MEP1B: variants seen among roughly 807,000 people sequenced by gnomAD.
MEP1B encodes the protein meprin A subunit beta.
A neutral mutation model predicts 84.6 loss-of-function variants in MEP1B; 80 were observed. The observed-to-expected ratio is 0.95, with a 90% CI of 0.79 to 1.14. MEP1B has a LOEUF of 1.14. Ranked by LOEUF, MEP1B falls within the 50% of genes most tolerant of loss-of-function variation. MEP1B has a pLI of 0.00. For missense variants in MEP1B, 766 were observed against 855.1 expected, an observed-to-expected ratio of 0.90 and a Z score of 1.30; for synonymous variants, 273 against 288.1, an observed-to-expected ratio of 0.95 and a Z score of 0.53.
At chr18:32,190,689 G>T (rs546432859) in intron 1 of MEP1B, among the ~76,000 whole-genome samples, 70 of 152,186 alleles carry the variant, frequency 4.6e-4, no homozygotes, top group Non-Finnish European at 8.1e-4. Context: ...TTATATTGGG[G>T]TGATATTCTA....
At chr18:32,199,775 A>C (rs958926499) in intron 5 of MEP1B, among the ~76,000 whole-genome samples, 3 of 151,036 alleles carry the variant, frequency 2.0e-5, no homozygotes, top group African/African-American at 7.3e-5. Flanking sequence ...CCCAGGCTCA[A>C]ATGATCCTCC....
intron 9 of MEP1B, among the ~76,000 whole-genome samples, chr18:32,208,637 G>C (rs1234878955): frequency 6.6e-6 from 1 of 152,216 alleles, no homozygotes; most frequent in African/African-American, 2.4e-5. Flanking sequence ...GCACTAGGCT[G>C]CGAATTATTG....
At position 32,220,331 on chromosome 18, in the gene MEP1B, C is replaced by A; in HGVS notation, c.*86C>A. 1 of 1,241,682 alleles carries A rather than the reference C, an allele frequency of 8.1e-7. No individual in the cohort carries two copies. The highest frequency in any genetic ancestry group is 1.2e-6 in the Non-Finnish European group (1 of 866,564). The allele number at this position is 1,241,682 out of a possible 1,614,324, so 76.9% of individuals were successfully genotyped here. On this transcript the variant is annotated 3_prime_UTR_variant, in exon 15 of 15. Transcript: ENST00000269202. ...CGCCTAAGTGATATTACAGCCACCTCATTCTTCTAAAAGTGGATATTTTTC... is the reference window on the plus strand; with the variant it reads ...CGCCTAAGTGATATTACAGCCACCTAATTCTTCTAAAAGTGGATATTTTTC...
At chr18:32,204,144 ACATTCT>A in intron 6 of MEP1B, 32 bp from the exon 7 acceptor site, 3 of 1,570,912 alleles carry the variant, frequency 1.9e-6, no homozygotes, top group Non-Finnish European at 2.6e-6. Flanking sequence ...TCAGATTGTA[ACATTCT>A]CTTCCCCCTT....
In MEP1B at chr18:32,213,144, T is replaced by C; in HGVS notation, c.1164T>C (p.Tyr388=). The change falls in exon 11 of 15, where the codon TAT becomes TAC. Residue 388 remains tyrosine, a synonymous_variant. Transcript: ENST00000269202. The part of the protein sequence containing the change: ...KEIPTGSWQL[Y]HVTLKVTKKF... Reference sequence around the variant, plus strand: ...TACCCACTGGGAGCTGGCAACTTTATCATGTAACATTGAAAGTGACCAAGA... The same window carrying C: ...TACCCACTGGGAGCTGGCAACTTTACCATGTAACATTGAAAGTGACCAAGA... 6.2e-7 allele frequency: 1 copy of C among 1,613,828 alleles called. No homozygotes were observed. The highest frequency in any genetic ancestry group is 1.3e-5 in the African/African-American group (1 of 75,066).
chr18:32,208,578 A>G (rs1009808897), intron 9 of MEP1B, among the ~76,000 whole-genome samples: 6 of 152,124 alleles, frequency 3.9e-5, no homozygotes, highest in Non-Finnish European at 5.9e-5. Flanking sequence ...GGGCAGTACT[A>G]TTGTTTCCTA....
rs372475868 is a variant in MEP1B, at chr18:32,204,329, T to A, written c.516T>A (p.Tyr172Ter). ...HEQSRSDRDD[Y>*]VRIMWDRILS... ...AGTCGCGTTCTGACCGGGATGACTA[T>A]GTCAGGATAATGTGGGACAGAATTC... The change falls in exon 7 of 15, where the codon TAT becomes TAA. Residue 172 changes from tyrosine (Y) to a stop codon, truncating the protein, a stop_gained. Transcript: ENST00000269202. LOFTEE classifies it high-confidence loss of function. 1.2e-5 allele frequency: 19 copies of A among 1,600,022 alleles called. No homozygotes were observed. Among genetic ancestry groups the A allele is most frequent in the Non-Finnish European group, 1.6e-5 (19 of 1,173,546 alleles).
At chr18:32,214,138 G>C (rs2041059162) in intron 11 of MEP1B, among the ~76,000 whole-genome samples, 1 of 152,108 alleles carries the variant, frequency 6.6e-6, no homozygotes, top group South Asian at 2.1e-4. Flanking sequence ...CCAGAAGGAA[G>C]GTATTGAGCA....
intron 4 of MEP1B, among the ~76,000 whole-genome samples, chr18:32,193,325 T>G (rs762112832): frequency 2.0e-5 from 3 of 152,172 alleles, no homozygotes; most frequent in Non-Finnish European, 4.4e-5. Context: ...GCCACACAGA[T>G]AAACACAAGA....
At chr18:32,219,594 G>C (rs1301677091) in intron 14 of MEP1B, among the ~76,000 whole-genome samples, 4 of 152,036 alleles carry the variant, frequency 2.6e-5, no homozygotes, top group Non-Finnish European at 5.9e-5. Context: ...TGGGTGGATG[G>C]GATTGCCAGG....
At chr18:32,206,901 C>T (rs1474688511) in intron 7 of MEP1B, among the ~76,000 whole-genome samples, 7 of 152,276 alleles carry the variant, frequency 4.6e-5, no homozygotes, top group East Asian at 1.9e-4. Flanking sequence ...TGAGCCACCA[C>T]GCCCGGCCTT....
rs77717938 is a variant in MEP1B, at chr18:32,205,948, A to G, written c.548-1304A>G. 4.9e-3 allele frequency among the ~76,000 whole-genome samples: 743 copies of G among 152,200 alleles called. 5 individuals carry two copies. The highest frequency in any genetic ancestry group is 9.1e-3 in the Non-Finnish European group (620 of 67,998). On this transcript the variant is annotated intron_variant, in intron 7 of 14. Transcript: ENST00000269202. ...GGTTTATTCTCTTAGCAATTTTGAA[A>G]TATACATTATTATTAACTATAGTCA...
Position 32,208,367 on chromosome 18 carries a change from G to A in MEP1B, c.919+96G>A, listed in dbSNP as rs922856482. The A allele has an allele frequency of 4.0e-6, 5 of 1,236,056 alleles. No homozygotes were observed. In the African/African-American group the frequency reaches 7.6e-5, roughly 19 times the overall value. The allele number at this position is 1,236,056 out of a possible 1,614,324, so 76.6% of individuals were successfully genotyped here. A position where few individuals can be genotyped will look rare whatever the true frequency, so the allele number is the denominator to read the frequency against. On this transcript the variant is annotated intron_variant, in intron 9 of 14. Transcript: ENST00000269202. ...GGGATTTTATCTCTAATTTCTATCA[G>A]AATTATTAATGATTATTCATTAGGT...
chr18:32,197,529 C>A (rs376755974), intron 5 of MEP1B, among the ~76,000 whole-genome samples: 1 of 151,400 alleles, frequency 6.6e-6, no homozygotes. Flanking sequence ...TGGCGATTCT[C>A]CTGCCTCAGC....
At position 32,213,329 on chromosome 18, in the gene MEP1B, G is replaced by A. The variant is rs779776598; in HGVS notation, c.1349G>A (p.Ser450Asn). ...GGCAGCCCAAATGGAACTCTGTATA[G>A]CCCTCCATTTTACTCTTCTAAAGGT... Reference protein sequence around the residue: ...FIGSPNGTLYSPPFYSSKGYA... With the variant: ...FIGSPNGTLYNPPFYSSKGYA... The change falls in exon 11 of 15, where the codon AGC becomes AAC. Residue 450 changes from serine to asparagine, a missense_variant. By Grantham distance (46) the Ser-to-Asn change is conservative (BLOSUM62 1). Transcript: ENST00000269202. 6.8e-6 allele frequency: 11 copies of A among 1,613,824 alleles called. No homozygotes were observed. The highest frequency in any genetic ancestry group is 9.3e-6 in the Non-Finnish European group (11 of 1,179,806).
At position 32,196,659 on chromosome 18, in the gene MEP1B, G is replaced by A; in HGVS notation, c.250+1174G>A. 1.5e-6 allele frequency: 1 copy of A among 675,852 alleles called. No homozygotes were observed. The highest frequency in any genetic ancestry group is 1.6e-5 in the South Asian group (1 of 62,288). 41.9% of individuals were successfully genotyped at this position (675,852 alleles called of 1,614,324 possible). A position where few individuals can be genotyped will look rare whatever the true frequency, so the allele number is the denominator to read the frequency against. ...GATGTTGTCCAGCACGCCACCTCGG[G>A]GTGTCTTCCCCAAGCACCAGCGCAT... On this transcript the variant is annotated intron_variant, in intron 5 of 14. Transcript: ENST00000269202. The surrounding 1 kb of genome is among the most constrained non-coding windows in gnomAD (Gnocchi z 4.4).
chr18:32,193,054 A>G (rs1002920317), intron 4 of MEP1B, among the ~76,000 whole-genome samples: 7 of 152,166 alleles, frequency 4.6e-5, no homozygotes, highest in African/African-American at 1.7e-4. Context: ...AACTCATTAC[A>G]TATGTCTTAG....
At chr18:32,216,329 A>G (rs1443367986) in intron 12 of MEP1B, among the ~76,000 whole-genome samples, 1 of 152,172 alleles carries the variant, frequency 6.6e-6, no homozygotes, top group Non-Finnish European at 1.5e-5. Context: ...TGTAGCAGAG[A>G]ACAAAAATCA....
intron 12 of MEP1B, among the ~76,000 whole-genome samples, chr18:32,216,746 T>C (rs2041093447): frequency 6.6e-6 from 1 of 152,078 alleles, no homozygotes; most frequent in African/African-American, 2.4e-5. Flanking sequence ...ATTCTGAAAC[T>C]TAAGATTGGG....
Sources: gnomAD v4.1 joint callset for allele counts (sites outside exome capture counted in the v4.1 genomes callset) on GRCh38, gnomAD v4.1.1 for gene constraint, Gnocchi (gnomAD v3.1) non-coding constraint, MANE v1.5 for transcripts, NCBI Gene and HGNC (gene_info 2026-07-23, HGNC 2026-07-21) for gene names.